The following CFAP299 variants were observed in gnomAD, a reference collection of about 807,000 sequenced individuals.
The protein encoded by CFAP299 is cilia- and flagella-associated protein 299.
A neutral mutation model predicts 27.0 loss-of-function variants in CFAP299; 21 were observed. The ratio of observed to expected loss-of-function variants is 0.78; its 90% CI spans 0.55 to 1.12. The LOEUF is 1.12. Ranked by LOEUF, CFAP299 falls within the 50% of genes most tolerant of loss-of-function variation. The pLI, the probability that CFAP299 is intolerant of heterozygous loss-of-function variation, is 0.00. For missense variants in CFAP299, 310 were observed against 276.6 expected, an observed-to-expected ratio of 1.12 and a Z score of -0.86; for synonymous variants, 104 against 98.1, an observed-to-expected ratio of 1.06 and a Z score of -0.36.
chr4:80,521,211 A>C (rs1043701411), intron 2 of CFAP299, among the ~76,000 whole-genome samples: 1 of 152,158 alleles, frequency 6.6e-6, no homozygotes, highest in Non-Finnish European at 1.5e-5. Flanking sequence ...TCATTTATAT[A>C]TATTGTTCTA....
intron 3 of CFAP299, among the ~76,000 whole-genome samples, chr4:80,625,186 AG>A (rs1464430550): frequency 6.6e-6 from 1 of 152,124 alleles, no homozygotes; most frequent in African/African-American, 2.4e-5. Context: ...TAACTTATTG[AG>A]GGATTTGCAA....
intron 1 of CFAP299, among the ~76,000 whole-genome samples, chr4:80,352,570 A>T (rs184663621): frequency 4.6e-5 from 7 of 152,294 alleles, no homozygotes; most frequent in African/African-American, 1.7e-4. Context: ...CTGTCTCAAA[A>T]AAATAAATAA....
chr4:80,963,491 C>T (rs772088432), intron 5 of CFAP299, 26 bp from the exon 6 acceptor site: 4 of 1,476,474 alleles, frequency 2.7e-6, no homozygotes, highest in Non-Finnish European at 3.7e-6. Flanking sequence ...ATAGACTTGA[C>T]TAACAATGTA....
intron 4 of CFAP299, among the ~76,000 whole-genome samples, chr4:80,883,093 T>A (rs1733793719): frequency 6.6e-6 from 1 of 152,070 alleles, no homozygotes; most frequent in African/African-American, 2.4e-5. Flanking sequence ...ACTACAATAA[T>A]TTGCTAATAA....
At chr4:80,657,726 C>T (rs1479908172) in intron 3 of CFAP299, among the ~76,000 whole-genome samples, 1 of 151,920 alleles carries the variant, frequency 6.6e-6, no homozygotes, top group Admixed American at 6.6e-5. Context: ...TTTTTGGGTT[C>T]CATATAAAAT....
intron 2 of CFAP299, among the ~76,000 whole-genome samples, chr4:80,424,694 GAC>G (rs932457140): frequency 6.6e-6 from 1 of 152,084 alleles, no homozygotes; most frequent in African/African-American, 2.4e-5. Context: ...AGAACATGAA[GAC>G]ACAGTTTCTG....
At chr4:80,555,134 G>A (rs780297298) in intron 2 of CFAP299, among the ~76,000 whole-genome samples, 2 of 152,110 alleles carry the variant, frequency 1.3e-5, no homozygotes, top group Non-Finnish European at 2.9e-5. Flanking sequence ...TTGGCTGTGG[G>A]TTTGTCATAG....
chr4:80,869,626 G>T (rs146544812), intron 3 of CFAP299, among the ~76,000 whole-genome samples: 2,521 of 152,192 alleles, frequency 0.017, 72 homozygotes, highest in African/African-American at 0.058. Flanking sequence ...CGATTCCCCT[G>T]CCTCAGCCTC....
chr4:80,411,962 G>C (rs1726741714), intron 2 of CFAP299, among the ~76,000 whole-genome samples: 1 of 152,000 alleles, frequency 6.6e-6, no homozygotes, highest in Non-Finnish European at 1.5e-5. Flanking sequence ...GTACTACTCT[G>C]AAAGCTTTGC....
chr4:80,687,514 C>A (rs1720282388), intron 3 of CFAP299, among the ~76,000 whole-genome samples: 1 of 152,124 alleles, frequency 6.6e-6, no homozygotes, highest in Non-Finnish European at 1.5e-5. Context: ...GTTGTAAATT[C>A]TTTGAGATCA....
intron 3 of CFAP299, among the ~76,000 whole-genome samples, chr4:80,754,663 G>T (rs1328431675): frequency 1.3e-5 from 2 of 152,148 alleles, no homozygotes; most frequent in Non-Finnish European, 2.9e-5. Context: ...TTGAGAACGA[G>T]TATAAATTAT....
chr4:80,385,924 C>G (rs1382468605), intron 2 of CFAP299, among the ~76,000 whole-genome samples: 8 of 152,230 alleles, frequency 5.3e-5, no homozygotes, highest in Non-Finnish European at 1.0e-4. Flanking sequence ...CCAGCCATCT[C>G]TCTCTTGCCG....
intron 2 of CFAP299, among the ~76,000 whole-genome samples, chr4:80,447,809 A>ACCCCAT (rs1028367286): frequency 2.0e-5 from 3 of 151,454 alleles, no homozygotes; most frequent in Non-Finnish European, 2.9e-5. Flanking sequence ...TAATCCTCCC[A>ACCCCAT]CCCCATCCCC....
chr4:80,498,209 C>T (rs1731558794), intron 2 of CFAP299, among the ~76,000 whole-genome samples: 1 of 151,880 alleles, frequency 6.6e-6, no homozygotes, highest in Non-Finnish European at 1.5e-5. Flanking sequence ...TGACTAAGTC[C>T]CTAAAAGCAA....
intron 2 of CFAP299, among the ~76,000 whole-genome samples, chr4:80,535,071 C>T (rs1172349611): frequency 6.6e-6 from 1 of 152,074 alleles, no homozygotes; most frequent in Non-Finnish European, 1.5e-5. Context: ...CGGAGTTTAG[C>T]AATTTGTGTG....
intron 2 of CFAP299, among the ~76,000 whole-genome samples, chr4:80,433,183 TA>T (rs1357960776): frequency 6.6e-6 from 1 of 152,180 alleles, no homozygotes; most frequent in Admixed American, 6.5e-5. Context: ...AAAAGATTCA[TA>T]AAAGGCTGAA....
At chr4:80,435,313 G>A (rs759697120) in intron 2 of CFAP299, among the ~76,000 whole-genome samples, 2 of 152,084 alleles carry the variant, frequency 1.3e-5, no homozygotes, top group East Asian at 1.9e-4. Context: ...ATCCAGAGAG[G>A]GGGTGAGCAA....
At chr4:80,936,425 A>C (rs1473790189) in intron 4 of CFAP299, among the ~76,000 whole-genome samples, 2 of 152,176 alleles carry the variant, frequency 1.3e-5, no homozygotes, top group Middle Eastern at 3.2e-3. Context: ...AAAACGTAGT[A>C]CATATACAAC....
intron 4 of CFAP299, among the ~76,000 whole-genome samples, chr4:80,941,402 T>C (rs1737188118): frequency 6.6e-6 from 1 of 152,322 alleles, no homozygotes; most frequent in East Asian, 1.9e-4. Context: ...ACATGTTTGA[T>C]TTTGTAGAAA....
Sources: gnomAD v4.1 joint callset for allele counts (sites outside exome capture counted in the v4.1 genomes callset) on GRCh38, gnomAD v4.1.1 for gene constraint, MANE v1.5 for transcripts, NCBI Gene and HGNC (gene_info 2026-07-23, HGNC 2026-07-21) for gene names.